Variants in DCDC1 observed in about 807,000 individuals in gnomAD.
The protein encoded by DCDC1 is doublecortin domain-containing protein 1.
A neutral mutation model predicts 178.3 loss-of-function variants in DCDC1; 200 were observed. The observed-to-expected ratio is 1.12, with a 90% CI of 1.00 to 1.26. The LOEUF is 1.26. Among genes scored for constraint, DCDC1 ranks in the 50% most tolerant of loss-of-function variants. DCDC1 has a pLI of 0.00. For missense variants in DCDC1, 1,983 were observed against 1,749.2 expected (o/e 1.13, Z -2.38); for synonymous variants, 690 against 604.8 (o/e 1.14, Z -2.07).
intron 8 of DCDC1, among the ~76,000 whole-genome samples, chr11:31,250,302 C>CAAA: frequency 7.1e-6 from 1 of 141,518 alleles, no homozygotes; most frequent in Non-Finnish European, 1.5e-5. Context: ...CAAAACAAGG[C>CAAA]AAAAAAAAAT....
At chr11:30,940,500 G>A (rs1312381698) in intron 21 of DCDC1, among the ~76,000 whole-genome samples, 4 of 152,036 alleles carry the variant, frequency 2.6e-5, no homozygotes, top group Non-Finnish European at 2.9e-5. Context: ...TATCTCCTTG[G>A]CTGCAGCCCA....
intron 20 of DCDC1, among the ~76,000 whole-genome samples, chr11:31,018,844 T>C (rs1285447220): frequency 6.6e-6 from 1 of 152,068 alleles, no homozygotes; most frequent in African/African-American, 2.4e-5. Flanking sequence ...GCCAGATAAT[T>C]CTAAGATGTT....
chr11:31,288,472 T>A (rs1373323111), intron 7 of DCDC1, among the ~76,000 whole-genome samples: 1 of 151,896 alleles, frequency 6.6e-6, no homozygotes, highest in Non-Finnish European at 1.5e-5. Flanking sequence ...ATAAATGGAT[T>A]TCCTTTTGAT....
At chr11:31,223,297 A>T (rs1974503956) in intron 9 of DCDC1, among the ~76,000 whole-genome samples, 1 of 152,158 alleles carries the variant, frequency 6.6e-6, no homozygotes, top group Non-Finnish European at 1.5e-5. Context: ...ATTAACTATT[A>T]TTTGATAAAT....
At chr11:31,242,503 T>G (rs1260783741) in intron 8 of DCDC1, among the ~76,000 whole-genome samples, 1 of 151,960 alleles carries the variant, frequency 6.6e-6, no homozygotes, top group East Asian at 1.9e-4. Context: ...TTTTCTTTAC[T>G]TGGTCATTAT....
chr11:31,257,743 C>G (rs1041766466), intron 8 of DCDC1, among the ~76,000 whole-genome samples: 1 of 151,514 alleles, frequency 6.6e-6, no homozygotes, highest in African/African-American at 2.4e-5. Flanking sequence ...CATACACACA[C>G]GCTAAAACCT....
intron 31 of DCDC1, 104 bp downstream of exon 31, chr11:30,904,857 G>T: frequency 7.5e-7 from 1 of 1,337,522 alleles, no homozygotes; most frequent in African/African-American, 1.4e-5. Flanking sequence ...GGTGAATCTG[G>T]CCAGGGACAT....
chr11:31,306,511 A>G (rs987047519), intron 4 of DCDC1, 123 bp from the exon 5 acceptor site: 7 of 998,162 alleles, frequency 7.0e-6, no homozygotes, highest in Non-Finnish European at 7.9e-6. Context: ...GTATATAAGT[A>G]TACCTAACAA....
intron 7 of DCDC1, among the ~76,000 whole-genome samples, chr11:31,281,993 T>C (rs1443968563): frequency 6.6e-6 from 1 of 152,290 alleles, no homozygotes; most frequent in African/African-American, 2.4e-5. Context: ...TGGATTTGAC[T>C]TGTTAATACT....
chr11:31,197,009 G>A (rs532112931), intron 9 of DCDC1, among the ~76,000 whole-genome samples: 1 of 152,212 alleles, frequency 6.6e-6, no homozygotes, highest in Non-Finnish European at 1.5e-5. Context: ...TTAAGATTAA[G>A]AAAAGATGCT....
chr11:31,293,805 G>A (rs1350206539), intron 6 of DCDC1, among the ~76,000 whole-genome samples: 1 of 152,172 alleles, frequency 6.6e-6, no homozygotes. Context: ...GGTATGTGGT[G>A]GCACTGGGAC....
At chr11:31,183,749 T>A (rs1226702272) in intron 9 of DCDC1, among the ~76,000 whole-genome samples, 3 of 152,130 alleles carry the variant, frequency 2.0e-5, no homozygotes, top group Non-Finnish European at 4.4e-5. Flanking sequence ...CAAGGAGAAC[T>A]ACAAACCACT....
chr11:31,006,373 A>G (rs1294363443), intron 20 of DCDC1, among the ~76,000 whole-genome samples: 1 of 152,136 alleles, frequency 6.6e-6, no homozygotes, highest in Non-Finnish European at 1.5e-5. Context: ...AGATTCCCAT[A>G]GAGAACACAT....
intron 20 of DCDC1, among the ~76,000 whole-genome samples, chr11:31,031,702 G>C (rs1953662946): frequency 6.6e-6 from 1 of 151,960 alleles, no homozygotes; most frequent in African/African-American, 2.4e-5. Flanking sequence ...GCAATATTGT[G>C]AAAATAATTT....
rs541029539 is a variant in DCDC1 at position 30,881,026 on chromosome 11, T to C, written c.5233+132A>G. The C allele has an allele frequency of 4.7e-5, 48 of 1,028,984 alleles. No individual in the cohort carries two copies. In the South Asian group the frequency reaches 8.2e-4, roughly 17 times the overall value. 63.7% of individuals were successfully genotyped at this position (1,028,984 alleles called of 1,614,324 possible). On this transcript the variant is annotated intron_variant, in intron 37 of 38. Transcript: ENST00000684477. ...CATAAATATATAAATTTAACTTCCA[T>C]AACATGGAGTAGAAATGCTTGGGAG...
At chr11:31,244,249 C>T (rs567079364) in intron 8 of DCDC1, among the ~76,000 whole-genome samples, 3 of 151,740 alleles carry the variant, frequency 2.0e-5, no homozygotes, top group African/African-American at 4.8e-5. Flanking sequence ...AAAAAGAAGT[C>T]GCTCTACTTT....
intron 6 of DCDC1, among the ~76,000 whole-genome samples, chr11:31,301,953 T>C (rs1025334286): frequency 6.6e-6 from 1 of 152,152 alleles, no homozygotes; most frequent in Admixed American, 6.6e-5. Flanking sequence ...CTTCACAATA[T>C]TGGATCTAAA....
chr11:31,354,964 A>G (rs551600342), intron 1 of DCDC1, among the ~76,000 whole-genome samples: 1 of 148,532 alleles, frequency 6.7e-6, no homozygotes, highest in South Asian at 2.4e-4. Context: ...GAGCTCTTAA[A>G]TGACTTGTTA....
chr11:30,940,440 T>A lies in DCDC1; in HGVS notation c.2716-8488A>T, dbSNP rs577928580. The stretch of plus-strand genomic sequence containing the variant: ...ACGGTTGTGTTTCTTTCCTGCTATA[T>A]AAACCCCTAATTTTAATGGGCCAGG... On this transcript the variant is annotated intron_variant, in intron 21 of 38. Transcript: ENST00000684477. Among the ~76,000 whole-genome samples, 217 of 152,298 alleles carry A rather than the reference T, an allele frequency of 1.4e-3. 1 individual carries two copies. The highest frequency in any genetic ancestry group is 3.8e-3 in the Admixed American group (58 of 15,286).
Sources: gnomAD v4.1 joint callset for allele counts (sites outside exome capture counted in the v4.1 genomes callset) on GRCh38, gnomAD v4.1.1 for gene constraint, MANE v1.5 for transcripts, NCBI Gene and HGNC (gene_info 2026-07-23, HGNC 2026-07-21) for gene names.